Variants in NUP188 observed in about 807,000 individuals in gnomAD.
The protein encoded by NUP188 is nucleoporin 188.
In NUP188, 97 loss-of-function variants were observed where a neutral mutation model predicts 223.0. That is an observed-to-expected ratio of 0.43 (90% CI 0.37 to 0.51). The LOEUF is 0.51. Ranked by LOEUF, NUP188 falls within the 20% of genes least tolerant of loss-of-function variation. The pLI is 0.00. For synonymous variants in NUP188, 869 were observed against 828.0 expected (o/e 1.05, Z -0.85); for missense variants, 1,947 against 2,175.6 (o/e 0.89, Z 2.09).
At chr9:128,948,979 C>G (rs1485371706) in intron 1 of NUP188, 2 of 412,684 alleles carry the variant, frequency 4.8e-6, no homozygotes, top group East Asian at 9.7e-5. Context: ...CCCGCCTCGA[C>G]CTCCCAAAGT....
chr9:128,998,580 A>ATGAAGTGCACTCTGCTGCT lies in NUP188; in HGVS notation c.3474_3492dup (p.Ile1165GlufsTer21). 1 of 1,614,186 alleles carries ATGAAGTGCACTCTGCTGCT rather than the reference A, an allele frequency of 6.2e-7. No homozygotes were observed. Among genetic ancestry groups the ATGAAGTGCACTCTGCTGCT allele is most frequent in the Non-Finnish European group, 8.5e-7 (1 of 1,180,042 alleles). ...AGTGAACTGCCTTCGCCTTGGCTCC[A>ATGAAGTGCACTCTGCTGCT]TGAAGTGCACTCTGCTGCTTATCCT... On this transcript the variant is annotated frameshift_variant, in exon 32 of 44. Transcript: ENST00000372577. LOFTEE classifies it high-confidence loss of function.
chr9:128,952,736 A>AT, intron 2 of NUP188, 37 bp from the exon 3 acceptor site: 1 of 1,575,480 alleles, frequency 6.3e-7, no homozygotes, highest in Non-Finnish European at 8.7e-7. Context: ...AAAAAAAAAA[A>AT]ATACTGCATT....
At chr9:129,000,820 T>C (rs17481337) in intron 34 of NUP188, among the ~76,000 whole-genome samples, 2 of 150,998 alleles carry the variant, frequency 1.3e-5, no homozygotes, top group Non-Finnish European at 3.0e-5. Context: ...GGGCAGATCA[T>C]GAGGTCAGGA....
chr9:128,995,095 G>A, intron 29 of NUP188, 172 bp downstream of exon 29: 1 of 643,534 alleles, frequency 1.6e-6, no homozygotes, highest in Non-Finnish European at 2.7e-6. Flanking sequence ...TGGCATTTAT[G>A]ATTGTCAGAA....
intron 28 of NUP188, 148 bp from the exon 29 acceptor site, chr9:128,994,708 G>GCT: frequency 1.4e-6 from 1 of 731,674 alleles, no homozygotes; most frequent in Admixed American, 2.2e-5. Flanking sequence ...TGACGCCTCT[G>GCT]CTCTTGCAAG....
chr9:128,953,159 T>A (rs932010352), intron 3 of NUP188, among the ~76,000 whole-genome samples: 7 of 152,194 alleles, frequency 4.6e-5, no homozygotes, highest in Non-Finnish European at 7.3e-5. Flanking sequence ...TACTAATTGG[T>A]GGGAGATAGC....
At chr9:128,952,905 A>C in intron 3 of NUP188, 59 bp downstream of exon 3, 2 of 1,309,532 alleles carry the variant, frequency 1.5e-6, no homozygotes, top group South Asian at 2.4e-5. Flanking sequence ...GACATGGATA[A>C]AACCATCCTT....
At chr9:128,961,006 G>T (rs558472145) in intron 8 of NUP188, among the ~76,000 whole-genome samples, 2 of 150,230 alleles carry the variant, frequency 1.3e-5, no homozygotes, top group East Asian at 4.0e-4. Context: ...ATTCACTTGA[G>T]CCTAGGAGGC....
rs767242305 is a variant in NUP188 at position 128,994,879 on chromosome 9, C to G, written c.3111C>G (p.Ala1037=). The G allele has an allele frequency of 2.5e-6, 4 of 1,613,744 alleles. No individual in the cohort carries two copies. The highest frequency in any genetic ancestry group is 1.3e-5 in the African/African-American group (1 of 74,920). ...TSEPSILETC[A]LIMKIICLEI... is the part of the protein sequence containing the mutation. Reference sequence around the variant, plus strand: ...AGCCCAGCATCCTGGAAACCTGTGCCCTAATCATGAAGATAATTTGCTTGG... The same window carrying G: ...AGCCCAGCATCCTGGAAACCTGTGCGCTAATCATGAAGATAATTTGCTTGG... Residue 1037 remains alanine (A), a synonymous_variant, in exon 29 of 44, where the codon GCC becomes GCG. Transcript: ENST00000372577.
At chr9:128,965,105 A>G (rs1343365394) in intron 8 of NUP188, among the ~76,000 whole-genome samples, 1 of 152,168 alleles carries the variant, frequency 6.6e-6, no homozygotes, top group Non-Finnish European at 1.5e-5. Flanking sequence ...TTACCAGTGA[A>G]GCCATCTGGG....
chr9:128,951,230 C>T (rs1398561409), intron 2 of NUP188, among the ~76,000 whole-genome samples: 2 of 151,402 alleles, frequency 1.3e-5, no homozygotes, highest in Non-Finnish European at 2.9e-5. Context: ...TTCGCTTGAA[C>T]CCGGAAGTGG....
At chr9:128,963,974 C>T (rs973595735) in intron 8 of NUP188, among the ~76,000 whole-genome samples, 3 of 152,028 alleles carry the variant, frequency 2.0e-5, no homozygotes, top group Non-Finnish European at 4.4e-5. Context: ...GCCACCACGT[C>T]CGGCTAATTT....
chr9:129,006,640 C>G lies in NUP188; in HGVS notation c.5212C>G (p.Gln1738Glu). ...ASPESQEPLI[Q>E]LVQAFVRHMQ... is the part of the protein sequence containing the mutation. ...CCCTGAGAGTCAGGAGCCTCTGATC[C>G]AGTTGGTGCAGGCGTTTGTCCGGCA... The change falls in exon 44 of 44, where the codon CAG becomes GAG. Residue 1738 changes from glutamine to glutamate, a missense_variant. By Grantham distance (29) the Gln-to-Glu change is conservative. Around this residue, in one of 3 missense-constraint regions of NUP188, gnomAD observed 905 missense variants for 990.6 expected, o/e 0.91. Transcript: ENST00000372577. 6.2e-7 allele frequency: 1 copy of G among 1,614,112 alleles called. No homozygotes were observed. Among genetic ancestry groups the G allele is most frequent in the Non-Finnish European group, 8.5e-7 (1 of 1,180,022 alleles).
At chr9:129,002,646 C>T (rs1346044707) in intron 36 of NUP188, among the ~76,000 whole-genome samples, 171 bp from the exon 37 acceptor site, 1 of 152,220 alleles carries the variant, frequency 6.6e-6, no homozygotes, top group African/African-American at 2.4e-5. Flanking sequence ...GTGCTCTTTC[C>T]TTGAATCTGC....
chr9:128,988,093 G>T lies in NUP188; in HGVS notation c.2440G>T (p.Val814Leu). Residue 814 changes from valine (V) to leucine (L), a missense_variant, in exon 24 of 44, where the codon GTG becomes TTG. Physicochemically the swap from Val to Leu is conservative, Grantham distance 32. This residue lies in a region of NUP188 where 225 missense variants were observed against 319.1 expected (regional missense o/e 0.71). Coordinates refer to ENST00000372577, the MANE Select transcript of NUP188 (RefSeq NM_015354.3). ...QGQGQLLIKT[V>L]KLAFSVTNNV... Reference sequence around the variant, plus strand: ...GCAGGGCCAGCTGCTGATCAAGACAGTGAAACTGGCATTCTCCGTCACCAA... The same window carrying T: ...GCAGGGCCAGCTGCTGATCAAGACATTGAAACTGGCATTCTCCGTCACCAA... 5 of 1,614,244 alleles carry T rather than the reference G, an allele frequency of 3.1e-6. No individual in the cohort carries two copies. The highest frequency in any genetic ancestry group is 4.2e-6 in the Non-Finnish European group (5 of 1,180,036).
intron 3 of NUP188, among the ~76,000 whole-genome samples, chr9:128,955,129 G>A (rs550645166): frequency 1.3e-5 from 2 of 152,262 alleles, no homozygotes; most frequent in South Asian, 2.1e-4. Context: ...GGGATTACAG[G>A]CGTGAGCCAC....
At chr9:129,006,005 G>T (rs765656466) in intron 41 of NUP188, 45 bp from the exon 42 acceptor site, 1 of 1,602,776 alleles carries the variant, frequency 6.2e-7, no homozygotes, top group Non-Finnish European at 8.5e-7. Context: ...CAGTAAGTGG[G>T]AGCTGTTCCT....
At position 128,947,907 on chromosome 9, in the gene NUP188, A is replaced by G. The variant is rs145072749; in HGVS notation, c.32+156A>G. On this transcript the variant is annotated intron_variant, in intron 1 of 43. Transcript: ENST00000372577. ...CGAGACGGGAGGCGGTTACGTCCAA[A>G]CGGTCCCCGCGCGCGGGGATCTGAA... The G allele has an allele frequency of 3.4e-3, 1,937 of 574,882 alleles. 31 individuals are homozygous for G. Among genetic ancestry groups the G allele is most frequent in the African/African-American group, 0.033 (1,708 of 51,038 alleles). 35.6% of individuals were successfully genotyped at this position (574,882 alleles called of 1,614,324 possible).
Position 128,967,877 on chromosome 9 carries a change from C to G in NUP188, c.586-629C>G, listed in dbSNP as rs1842053049. Among the ~76,000 whole-genome samples the G allele has an allele frequency of 1.3e-5, 2 of 152,140 alleles. 1 individual carries two copies. Among genetic ancestry groups the G allele is most frequent in the South Asian group, 4.1e-4 (2 of 4,832 alleles). ...TTGGGTGGCTGAGGCAGGAGGATTGCTTGAGCCCGGTGGGTCAAAGCTGCA... is the reference window on the plus strand; with the variant it reads ...TTGGGTGGCTGAGGCAGGAGGATTGGTTGAGCCCGGTGGGTCAAAGCTGCA... On this transcript the variant is annotated intron_variant, in intron 8 of 43. Coordinates refer to ENST00000372577, the MANE Select transcript of NUP188 (RefSeq NM_015354.3).
Sources: allele counts gnomAD v4.1 joint callset (sites outside exome capture counted in the v4.1 genomes callset), GRCh38; gene constraint gnomAD v4.1.1; regional missense constraint gnomAD v4.1.1; transcripts MANE v1.5; gene names NCBI Gene and HGNC (gene_info 2026-07-23, HGNC 2026-07-21).